The following IFT27 variants were observed in gnomAD, a reference collection of about 807,000 sequenced individuals.
IFT27 encodes the protein intraflagellar transport protein 27 homolog.
In IFT27, 19 loss-of-function variants were observed where a neutral mutation model predicts 23.9. That is an observed-to-expected ratio of 0.79 (90% CI 0.55 to 1.16). The LOEUF is 1.16. Ranked by LOEUF, IFT27 falls within the 50% of genes most tolerant of loss-of-function variation. IFT27 has a pLI of 0.00. For missense variants in IFT27, 206 were observed against 228.7 expected, an observed-to-expected ratio of 0.90 and a Z score of 0.64; for synonymous variants, 91 against 89.1, an observed-to-expected ratio of 1.02 and a Z score of -0.12.
intron 4 of IFT27, 72 bp from the exon 5 acceptor site, chr22:36,764,108 G>A (rs1235587606): frequency 1.8e-6 from 2 of 1,087,668 alleles, no homozygotes; most frequent in African/African-American, 3.1e-5. Flanking sequence ...AGACAATTTG[G>A]CCTTCCAAGG....
At chr22:36,767,232 G>T (rs764636027) in intron 3 of IFT27, 74 bp downstream of exon 3, 10 of 1,169,768 alleles carry the variant, frequency 8.5e-6, no homozygotes, top group Non-Finnish European at 2.6e-6. Context: ...CTCCTAGGGA[G>T]GATGGTGTGA....
rs1938494894 is a variant in IFT27, at chr22:36,776,068, G to A, written c.-361C>T. The A allele has an allele frequency of 6.0e-6, 2 of 332,068 alleles. No individual in the cohort carries two copies. Among genetic ancestry groups the A allele is most frequent in the Non-Finnish European group, 1.1e-5 (2 of 174,698 alleles). 20.6% of individuals were successfully genotyped at this position (332,068 alleles called of 1,614,324 possible). ...AGGAAGGACGATCCGGCTCTCCTCC[G>A]ATCACAAGTACCGGGCCGGATGCAC... On this transcript the variant is annotated 5_prime_UTR_variant, in exon 1 of 7. Coordinates refer to ENST00000433985, the MANE Select transcript of IFT27 (RefSeq NM_001177701.3).
chr22:36,773,936 G>T (rs1016939278), intron 1 of IFT27, among the ~76,000 whole-genome samples: 1 of 152,112 alleles, frequency 6.6e-6, no homozygotes, highest in Non-Finnish European at 1.5e-5. Flanking sequence ...CACCCAAAGC[G>T]CCAGTAAGTT....
chr22:36,767,448 C>G (rs1424784148), intron 2 of IFT27, 83 bp from the exon 3 acceptor site: 2 of 1,207,080 alleles, frequency 1.7e-6, no homozygotes, highest in African/African-American at 3.0e-5. Flanking sequence ...GCACCCCGAT[C>G]CCAGGAGGGC....
intron 1 of IFT27, 156 bp from the exon 2 acceptor site, chr22:36,768,018 G>A (rs1462513782): frequency 4.1e-6 from 3 of 732,614 alleles, no homozygotes; most frequent in South Asian, 2.9e-5. Context: ...CGCGGGCAGG[G>A]CACAGGTCCA....
Position 36,767,311 on chromosome 22 carries a change from T to C in IFT27, c.169A>G (p.Ser57Gly), listed in dbSNP as rs1938277862. 1.2e-6 allele frequency: 2 copies of C among 1,613,622 alleles called. No homozygotes were observed. The highest frequency in any genetic ancestry group is 2.2e-5 in the South Asian group (2 of 91,056). ...KTVPVPDTGD[S>G]VELFIFDSAG... ...TGGGTAAAGGCATCACTCACCACAC[T>C]GTCTCCCGTGTCAGGAACTGGCACT... Residue 57 changes from serine (S) to glycine (G), a missense_variant, in exon 3 of 7, where the codon AGT becomes GGT. Coordinates refer to ENST00000433985, the MANE Select transcript of IFT27 (RefSeq NM_001177701.3).
chr22:36,769,773 T>C (rs739004), intron 1 of IFT27, among the ~76,000 whole-genome samples: 9,062 of 152,226 alleles, frequency 0.06, 321 homozygotes, highest in South Asian at 0.094. Context: ...CTTTCCTTCC[T>C]TGGGCCCTGA....
intron 1 of IFT27, chr22:36,768,162 C>A (rs1407882461): frequency 1.9e-6 from 1 of 520,076 alleles, no homozygotes; most frequent in East Asian, 5.1e-5. Flanking sequence ...AACTGACGCT[C>A]TTCCACTGAA....
At chr22:36,769,727 G>A (rs1232577504) in intron 1 of IFT27, among the ~76,000 whole-genome samples, 1 of 152,094 alleles carries the variant, frequency 6.6e-6, no homozygotes, top group Non-Finnish European at 1.5e-5. Flanking sequence ...ACTGTCAAGG[G>A]GTACCCACCC....
chr22:36,764,509 T>C (rs1249059691), intron 4 of IFT27, among the ~76,000 whole-genome samples: 1 of 152,250 alleles, frequency 6.6e-6, no homozygotes, highest in East Asian at 1.9e-4. Context: ...CATTCTCCAC[T>C]CATTCTTATC....
chr22:36,764,493 T>C (rs937372952), intron 4 of IFT27, among the ~76,000 whole-genome samples: 1 of 152,246 alleles, frequency 6.6e-6, no homozygotes, highest in Non-Finnish European at 1.5e-5. Context: ...GCTGGCCTCA[T>C]TCATTCATTC....
intron 1 of IFT27, among the ~76,000 whole-genome samples, chr22:36,770,958 C>T (rs1938373280): frequency 6.6e-6 from 1 of 152,182 alleles, no homozygotes; most frequent in Non-Finnish European, 1.5e-5. Context: ...GGGGAGAGGA[C>T]ACTGCTCTTC....
chr22:36,773,579 A>G (rs545429299), intron 1 of IFT27, among the ~76,000 whole-genome samples: 1 of 146,982 alleles, frequency 6.8e-6, no homozygotes, highest in East Asian at 2.1e-4. Context: ...GCTTGAACCC[A>G]GGAGGTGGAG....
chr22:36,772,421 A>T, intron 1 of IFT27: 1 of 793,496 alleles, frequency 1.3e-6, no homozygotes, highest in African/African-American at 1.9e-5. Flanking sequence ...ATGAGGATTT[A>T]ATGAGTTAAT....
intron 4 of IFT27, 96 bp from the exon 5 acceptor site, chr22:36,764,132 G>A (rs1436432931): frequency 1.1e-5 from 9 of 814,482 alleles, no homozygotes; most frequent in African/African-American, 1.7e-5. Context: ...AGGGTATGGG[G>A]AGCAGAGGGA....
chr22:36,770,518 G>A (rs867955761), intron 1 of IFT27, among the ~76,000 whole-genome samples: 6 of 152,162 alleles, frequency 3.9e-5, no homozygotes, highest in South Asian at 4.1e-4. Context: ...ACCCGTGTGC[G>A]TTGCCACTAG....
intron 3 of IFT27, chr22:36,766,403 C>T (rs148911238): frequency 4.0e-4 from 225 of 563,938 alleles, no homozygotes; most frequent in African/African-American, 3.0e-3. Flanking sequence ...GGCAGTACGA[C>T]GGGTTCTCGC....
rs772670038 is a variant in IFT27, at chr22:36,767,390, A to G, written c.115-25T>C. On this transcript the variant is annotated intron_variant, in intron 2 of 6. Transcript: ENST00000433985. ...TCTGCCGAGGAACACCAAGAATGTTAGCACTGAGGGCCCCCAAAGGGAGAG... is the reference window on the plus strand; with the variant it reads ...TCTGCCGAGGAACACCAAGAATGTTGGCACTGAGGGCCCCCAAAGGGAGAG... The G allele has an allele frequency of 2.5e-6, 4 of 1,603,786 alleles. No homozygotes were observed. The South Asian group carries it at 4.5e-5, about 18-fold the overall frequency.
At chr22:36,764,952 G>A (rs1202150826) in intron 4 of IFT27, among the ~76,000 whole-genome samples, 1 of 152,144 alleles carries the variant, frequency 6.6e-6, no homozygotes, top group African/African-American at 2.4e-5. Context: ...AACCTCCCAG[G>A]GTACAGAAGA....
Sources: gnomAD v4.1 joint callset for allele counts (sites outside exome capture counted in the v4.1 genomes callset) on GRCh38, gnomAD v4.1.1 for gene constraint, MANE v1.5 for transcripts, NCBI Gene and HGNC (gene_info 2026-07-23, HGNC 2026-07-21) for gene names.